TBC1D19: variants seen among roughly 807,000 people sequenced by gnomAD.
The protein encoded by TBC1D19 is TBC1 domain family member 19, also known as TBC1 domain family, member 19.
Under a neutral mutation model 89.0 loss-of-function variants are expected in TBC1D19, and 60 were observed. The observed-to-expected ratio is 0.67, with a 90% CI of 0.55 to 0.84. The LOEUF is 0.84. Among genes scored for constraint, TBC1D19 ranks in the 40% least tolerant of loss-of-function variants. The pLI is 0.00. For synonymous variants in TBC1D19, 189 were observed against 199.7 expected, an observed-to-expected ratio of 0.95 and a Z score of 0.45; for missense variants, 500 against 610.8, an observed-to-expected ratio of 0.82 and a Z score of 1.91.
the TBC1D19 span, among the ~76,000 whole-genome samples, chr4:26,771,126 G>C: frequency 1.3e-5 from 2 of 151,594 alleles, no homozygotes; most frequent in African/African-American, 2.4e-5. Context: ...GGGAAATGCA[G>C]ATTAAAACCA....
chr4:26,733,603 T>C (rs1717796125), intron 15 of TBC1D19, among the ~76,000 whole-genome samples: 1 of 152,246 alleles, frequency 6.6e-6, no homozygotes. Context: ...TTTCTACTGA[T>C]AATTCTAGTC....
chr4:26,639,906 C>A (rs1247577974), intron 6 of TBC1D19, among the ~76,000 whole-genome samples: 1 of 152,042 alleles, frequency 6.6e-6, no homozygotes, highest in African/African-American at 2.4e-5. Context: ...CAAATAATTA[C>A]AATTTGTGAA....
chr4:26,623,777 AATG>A (rs1742220813), intron 4 of TBC1D19, among the ~76,000 whole-genome samples: 2 of 152,152 alleles, frequency 1.3e-5, no homozygotes, highest in East Asian at 1.9e-4. Context: ...TAGTCACAAT[AATG>A]ATGATGATGG....
intron 7 of TBC1D19, among the ~76,000 whole-genome samples, chr4:26,646,417 A>T (rs1743956802): frequency 6.6e-6 from 1 of 152,204 alleles, no homozygotes; most frequent in Non-Finnish European, 1.5e-5. Context: ...TTCCTCAAGG[A>T]TCTAGAACTA....
chr4:26,708,702 C>G (rs1204179258), intron 13 of TBC1D19, among the ~76,000 whole-genome samples: 1 of 151,906 alleles, frequency 6.6e-6, no homozygotes, highest in East Asian at 1.9e-4. Context: ...TTTCCATTTC[C>G]CTATCTTCAA....
the TBC1D19 span, among the ~76,000 whole-genome samples, chr4:26,832,712 G>A: frequency 6.6e-6 from 1 of 152,136 alleles, no homozygotes; most frequent in East Asian, 1.9e-4. Flanking sequence ...CACTCTTCTG[G>A]ATGAAAACAT....
At chr4:26,751,504 C>G (rs542929143) in intron 19 of TBC1D19, among the ~76,000 whole-genome samples, 6 of 152,158 alleles carry the variant, frequency 3.9e-5, no homozygotes, top group Non-Finnish European at 5.9e-5. Context: ...CTTTGATATT[C>G]TTGTAAACAT....
In TBC1D19 at chr4:26,657,592, T is replaced by C. The variant is rs913588483; in HGVS notation, c.481-2005T>C. ...GTAGAATGATTTATAATCCTTTGGG[T>C]ATATACCCAGTAATGGGATGGCTGG... is the stretch of plus-strand genomic sequence containing the variant. On this transcript the variant is annotated intron_variant, in intron 7 of 20. Transcript: ENST00000264866. 4.6e-5 allele frequency among the ~76,000 whole-genome samples: 7 copies of C among 152,324 alleles called. No homozygotes were observed. The East Asian group carries it at 1.3e-3, about 29-fold the overall frequency.
At chr4:26,747,415 C>T (rs776042750) in intron 18 of TBC1D19, among the ~76,000 whole-genome samples, 1 of 152,082 alleles carries the variant, frequency 6.6e-6, no homozygotes, top group Non-Finnish European at 1.5e-5. Context: ...ATACTAGTGC[C>T]TACATGTACT....
chr4:26,848,577 T>C, the TBC1D19 span, among the ~76,000 whole-genome samples: 1 of 152,216 alleles, frequency 6.6e-6, no homozygotes, highest in Admixed American at 6.5e-5. Context: ...AACTGTTACA[T>C]AGGTTTAAGT....
intron 1 of TBC1D19, among the ~76,000 whole-genome samples, chr4:26,599,858 G>C (rs975547083): frequency 1.4e-5 from 2 of 141,420 alleles, no homozygotes; most frequent in Non-Finnish European, 3.0e-5. Context: ...TGAGGCAGGA[G>C]AATTGCTTGA....
intron 7 of TBC1D19, among the ~76,000 whole-genome samples, chr4:26,651,314 C>G (rs1377106873): frequency 6.6e-6 from 1 of 152,200 alleles, no homozygotes; most frequent in South Asian, 2.1e-4. Flanking sequence ...GGCAGTATGG[C>G]CATTTTCACG....
intron 7 of TBC1D19, among the ~76,000 whole-genome samples, chr4:26,659,322 A>G (rs1271863708): frequency 6.6e-6 from 1 of 152,160 alleles, no homozygotes; most frequent in Non-Finnish European, 1.5e-5. Flanking sequence ...AACCACCAAA[A>G]AGTTTTTATT....
Position 26,718,067 on chromosome 4 carries a change from C to T in TBC1D19, c.1039+50C>T, listed in dbSNP as rs747223422. 1.0e-5 allele frequency: 14 copies of T among 1,390,634 alleles called. 1 individual carries two copies. The highest frequency in any genetic ancestry group is 3.7e-5 in the Admixed American group (2 of 54,712). 86.1% of individuals were successfully genotyped at this position (1,390,634 alleles called of 1,614,324 possible). ...AGTATTAAGACTTACATAATCATGC[C>T]AAGAATATTTGTTTTATTTTTGGAG... On this transcript the variant is annotated intron_variant, in intron 14 of 20. Coordinates refer to ENST00000264866, the MANE Select transcript of TBC1D19 (RefSeq NM_018317.4).
chr4:26,696,930 A>T (rs1436145949), intron 13 of TBC1D19, among the ~76,000 whole-genome samples: 2 of 152,208 alleles, frequency 1.3e-5, no homozygotes, highest in African/African-American at 4.8e-5. Flanking sequence ...TTGACACCCT[A>T]ACATCACAAT....
chr4:26,669,584 T>G (rs986090609), intron 9 of TBC1D19, among the ~76,000 whole-genome samples: 28 of 151,764 alleles, frequency 1.8e-4, no homozygotes, highest in African/African-American at 6.8e-4. Flanking sequence ...AAAAGCAAAA[T>G]TATTGTATTT....
the TBC1D19 span, among the ~76,000 whole-genome samples, chr4:26,793,722 C>CAA: frequency 0.011 from 836 of 78,570 alleles, 10 homozygotes; most frequent in East Asian, 0.062. Flanking sequence ...GACTTCGTCT[C>CAA]AAAAAAAAAA....
At chr4:26,623,466 G>A (rs531522128) in intron 4 of TBC1D19, among the ~76,000 whole-genome samples, 56 of 151,996 alleles carry the variant, frequency 3.7e-4, no homozygotes, top group Non-Finnish European at 6.6e-4. Context: ...CTCATTTTAA[G>A]CATTTCTCAC....
At chr4:26,702,010 T>A (rs1465689228) in intron 13 of TBC1D19, among the ~76,000 whole-genome samples, 1 of 152,146 alleles carries the variant, frequency 6.6e-6, no homozygotes, top group Admixed American at 6.6e-5. Context: ...GATAAGAGGA[T>A]TGCCATTTTT....
Sources: allele counts gnomAD v4.1 joint callset (sites outside exome capture counted in the v4.1 genomes callset), GRCh38; gene constraint gnomAD v4.1.1; transcripts MANE v1.5; gene names NCBI Gene and HGNC (gene_info 2026-07-23, HGNC 2026-07-21).